LGSN: variants seen among roughly 807,000 people sequenced by gnomAD.
The protein encoded by LGSN is lengsin, lens protein with glutamine synthetase domain.
In LGSN, 21 loss-of-function variants were observed where a neutral mutation model predicts 19.5. That is an observed-to-expected ratio of 1.07 (90% confidence interval 0.76 to 1.55). LGSN has a LOEUF of 1.55. LGSN is among the 40% of genes most tolerant of loss of function. The pLI is 0.00. For missense variants in LGSN, 673 were observed against 608.5 expected, an observed-to-expected ratio of 1.11 and a Z score of -1.12; for synonymous variants, 257 against 215.6, an observed-to-expected ratio of 1.19 and a Z score of -1.68.
At chr6:63,361,061 C>T in the LGSN span, among the ~76,000 whole-genome samples, 1 of 152,220 alleles carries the variant, frequency 6.6e-6, no homozygotes, top group African/African-American at 2.4e-5. Context: ...TGTCAGTCCT[C>T]CCCTACTGGG....
chr6:63,513,907 T>C, the LGSN span, among the ~76,000 whole-genome samples: 3 of 72,590 alleles, frequency 4.1e-5, no homozygotes, highest in Admixed American at 6.9e-4. Context: ...CGAGACTTCA[T>C]CTCAAAAAAA....
Position 63,294,931 on chromosome 6 carries a change from C to A in LGSN, c.145G>T (p.Asp49Tyr). 6.2e-7 allele frequency: 1 copy of A among 1,613,900 alleles called. No individual in the cohort carries two copies. Reference sequence around the variant, plus strand: ...TAGATACCATTTGAATTGGACATATCCGTTTCTCCCACTTCAGTTGAACAA... The same window carrying A: ...TAGATACCATTTGAATTGGACATATACGTTTCTCCCACTTCAGTTGAACAA... Reference protein sequence around the residue: ...YVCSTEVGETDMSNSNDCMRD... With the variant: ...YVCSTEVGETYMSNSNDCMRD... Residue 49 changes from aspartate (D) to tyrosine (Y), a missense_variant, in exon 2 of 4, where the codon GAT becomes TAT. By Grantham distance (160) the Asp-to-Tyr change is radical. Coordinates refer to ENST00000370657, the MANE Select transcript of LGSN (RefSeq NM_016571.3).
At chr6:63,539,183 C>T in the LGSN span, among the ~76,000 whole-genome samples, 16 of 152,044 alleles carry the variant, frequency 1.1e-4, no homozygotes, top group Admixed American at 5.2e-4. Flanking sequence ...CATGAGCCAC[C>T]GTGCCTGGCC....
intron 1 of LGSN, among the ~76,000 whole-genome samples, chr6:63,302,238 ATGTT>A (rs1479044503): frequency 1.3e-5 from 2 of 152,202 alleles, no homozygotes; most frequent in African/African-American, 4.8e-5. Context: ...AGCAATAATT[ATGTT>A]TATTTATGTT....
the LGSN span, among the ~76,000 whole-genome samples, chr6:63,334,324 G>T: frequency 6.6e-6 from 1 of 151,930 alleles, no homozygotes; most frequent in Non-Finnish European, 1.5e-5. Context: ...CACCAATCCT[G>T]AAATATCTGA....
chr6:63,440,201 G>C, the LGSN span, among the ~76,000 whole-genome samples: 1 of 152,178 alleles, frequency 6.6e-6, no homozygotes, highest in Non-Finnish European at 1.5e-5. Context: ...CCTAAAACCA[G>C]ACTGCTGGTC....
chr6:63,360,463 G>T, the LGSN span, among the ~76,000 whole-genome samples: 23 of 152,250 alleles, frequency 1.5e-4, no homozygotes, highest in East Asian at 1.2e-3. Flanking sequence ...GGCTACTGAG[G>T]CTTGTGCATT....
At chr6:63,393,166 C>CG in the LGSN span, among the ~76,000 whole-genome samples, 13 of 146,920 alleles carry the variant, frequency 8.8e-5, no homozygotes, top group Admixed American at 2.0e-4. Flanking sequence ...GGATTACAGG[C>CG]TGAGCCACCG....
At chr6:63,355,416 C>G in the LGSN span, among the ~76,000 whole-genome samples, 1 of 152,142 alleles carries the variant, frequency 6.6e-6, no homozygotes, top group African/African-American at 2.4e-5. Context: ...AATTGAACAA[C>G]AAAAAGAGTA....
chr6:63,507,424 G>T, the LGSN span, among the ~76,000 whole-genome samples: 4 of 152,102 alleles, frequency 2.6e-5, no homozygotes, highest in African/African-American at 7.2e-5. Flanking sequence ...ATATGGTCAA[G>T]CTGGATGCAT....
the LGSN span, among the ~76,000 whole-genome samples, chr6:63,568,100 T>G: frequency 6.6e-6 from 1 of 152,232 alleles, no homozygotes; most frequent in South Asian, 2.1e-4. Context: ...TTATCAACAA[T>G]GAGGCTGTTT....
chr6:63,464,753 GC>G, the LGSN span, among the ~76,000 whole-genome samples: 4 of 151,694 alleles, frequency 2.6e-5, no homozygotes, highest in Admixed American at 1.3e-4. Flanking sequence ...CTGGCCAAAC[GC>G]GGTGGCTCAT....
rs1292450644 is a variant in LGSN at position 63,288,581 on chromosome 6, G to GAGTA, written c.164-2832_164-2829dup. Among the ~76,000 whole-genome samples the GAGTA allele has an allele frequency of 6.6e-5, 10 of 152,336 alleles. No individual in the cohort carries two copies. The East Asian group carries it at 1.9e-3, about 29-fold the overall frequency. ...CCAAGTTGCCCTGTGACTGGACAGT[G>GAGTA]AGTAGGGTACGTGTATTAGTTTGCT... On this transcript the variant is annotated intron_variant, in intron 2 of 3. Coordinates refer to ENST00000370657, the MANE Select transcript of LGSN (RefSeq NM_016571.3).
the LGSN span, among the ~76,000 whole-genome samples, chr6:63,473,976 A>G: frequency 6.7e-6 from 1 of 150,362 alleles, no homozygotes; most frequent in African/African-American, 2.5e-5. Flanking sequence ...TATTTTCACA[A>G]TGTGCTGAGT....
At chr6:63,465,388 A>T in the LGSN span, among the ~76,000 whole-genome samples, 4 of 151,942 alleles carry the variant, frequency 2.6e-5, no homozygotes, top group East Asian at 7.8e-4. Flanking sequence ...CGCCATGTTG[A>T]CCAGGCTGGT....
the LGSN span, among the ~76,000 whole-genome samples, chr6:63,440,346 G>A: frequency 7.9e-4 from 120 of 152,242 alleles, no homozygotes; most frequent in Non-Finnish European, 1.6e-3. Flanking sequence ...GTTCCTGTGT[G>A]GTGACTTGGC....
the LGSN span, among the ~76,000 whole-genome samples, chr6:63,353,629 GA>G: frequency 1.5e-5 from 2 of 129,536 alleles, no homozygotes. Context: ...GTTTTTCACA[GA>G]AATTGAAAAA....
chr6:63,367,609 A>G, the LGSN span, among the ~76,000 whole-genome samples: 1 of 146,828 alleles, frequency 6.8e-6, no homozygotes, highest in African/African-American at 2.7e-5. Flanking sequence ...CCAAAGGATT[A>G]TAAATCATGC....
chr6:63,494,618 C>T, the LGSN span, among the ~76,000 whole-genome samples: 1 of 152,158 alleles, frequency 6.6e-6, no homozygotes, highest in African/African-American at 2.4e-5. Flanking sequence ...TTTTAAAGCA[C>T]TCTATTCTAC....
Sources: allele counts gnomAD v4.1 joint callset (sites outside exome capture counted in the v4.1 genomes callset), GRCh38; gene constraint gnomAD v4.1.1; transcripts MANE v1.5; gene names NCBI Gene and HGNC (gene_info 2026-07-23, HGNC 2026-07-21).